The following CCDC14 variants were observed in gnomAD, a reference collection of about 807,000 sequenced individuals.
The protein encoded by CCDC14 is coiled-coil domain-containing protein 14.
Under a neutral mutation model 81.4 loss-of-function variants are expected in CCDC14, and 71 were observed. The observed-to-expected ratio is 0.87, with a 90% CI of 0.72 to 1.06. The LOEUF is 1.06. CCDC14 is among the 50% of genes least tolerant of loss of function. CCDC14 has a pLI of 0.00. For missense variants in CCDC14, 1,046 were observed against 1,047.3 expected (o/e 1.00, Z 0.02); for synonymous variants, 332 against 364.8 (o/e 0.91, Z 1.03).
intron 5 of CCDC14, 32 bp from the exon 6 acceptor site, chr3:123,949,164 T>C (rs2036861157): frequency 1.4e-6 from 2 of 1,382,648 alleles, no homozygotes; most frequent in South Asian, 1.3e-5. Flanking sequence ...GTTCTTGAAA[T>C]ATGATTCTTC....
At chr3:123,961,059 A>G (rs2037655224) in intron 1 of CCDC14, 85 bp downstream of exon 1, 1 of 1,188,454 alleles carries the variant, frequency 8.4e-7, no homozygotes, top group Non-Finnish European at 1.2e-6. Flanking sequence ...TCTTTTTTCG[A>G]GCAGAGTTTT....
chr3:123,943,085 GGTGT>G lies in CCDC14; in HGVS notation c.1343+1760_1343+1763del, dbSNP rs967254722. Among the ~76,000 whole-genome samples the G allele has an allele frequency of 6.6e-4, 100 of 151,172 alleles. 1 individual carries two copies. The highest frequency in any genetic ancestry group is 1.4e-3 in the African/African-American group (58 of 41,212). On this transcript the variant is annotated intron_variant, in intron 9 of 12. Coordinates refer to ENST00000409697, the MANE Select transcript of CCDC14 (RefSeq NM_001366335.1). ...ATACATATTGTATATAAATGTGTGT[GGTGT>G]GTGTGTATGTTTATTACTGCATATA...
chr3:123,929,999 C>T (rs1156381366), intron 12 of CCDC14, among the ~76,000 whole-genome samples: 1 of 152,174 alleles, frequency 6.6e-6, no homozygotes, highest in Non-Finnish European at 1.5e-5. Flanking sequence ...CATTCTATTA[C>T]TTTATTTTGA....
At chr3:123,891,570 A>G in the CCDC14 span, among the ~76,000 whole-genome samples, 1 of 152,232 alleles carries the variant, frequency 6.6e-6, no homozygotes, top group Non-Finnish European at 1.5e-5. Flanking sequence ...AAACATAACA[A>G]GAGTCACATT....
intron 5 of CCDC14, among the ~76,000 whole-genome samples, chr3:123,899,428 C>T (rs1203933618): frequency 6.6e-6 from 1 of 152,206 alleles, no homozygotes; most frequent in African/African-American, 2.4e-5. Flanking sequence ...TTGGACTTCA[C>T]CTGGAATTCA....
At chr3:123,937,757 C>A (rs2036130498) in intron 9 of CCDC14, among the ~76,000 whole-genome samples, 2 of 151,910 alleles carry the variant, frequency 1.3e-5, no homozygotes, top group South Asian at 4.1e-4. Flanking sequence ...CTAAGATTTT[C>A]TCTTACGTTT....
In CCDC14 at chr3:123,913,809, G is replaced by A. The variant is rs942704009; in HGVS notation, c.*970C>T. 33 of 985,284 alleles carry A rather than the reference G, an allele frequency of 3.3e-5. No homozygotes were observed. In the Admixed American group the frequency reaches 2.0e-3, roughly 59 times the overall value. The allele number at this position is 985,284 out of a possible 1,614,324, so 61.0% of individuals were successfully genotyped here. A position where few individuals can be genotyped will look rare whatever the true frequency, so the allele number is the denominator to read the frequency against. On this transcript the variant is annotated 3_prime_UTR_variant, in exon 13 of 13. Coordinates refer to ENST00000409697, the MANE Select transcript of CCDC14 (RefSeq NM_001366335.1). ...CAGGTGACCTGTACAAAGTATTAGT[G>A]ATAACACAACATTCAGCTTCCTAAG...
chr3:123,951,469 A>C (rs1436093595), intron 5 of CCDC14, among the ~76,000 whole-genome samples: 5 of 152,230 alleles, frequency 3.3e-5, no homozygotes, highest in African/African-American at 1.2e-4. Context: ...TTCTTACCAG[A>C]AATACAATTT....
the CCDC14 span, among the ~76,000 whole-genome samples, chr3:123,888,411 C>A: frequency 5.3e-5 from 8 of 152,138 alleles, no homozygotes; most frequent in Non-Finnish European, 1.5e-5. Context: ...TGAGTAGTGT[C>A]AAAAAATATA....
Position 123,914,118 on chromosome 3 carries a change from A to G in CCDC14, c.*661T>C. 1.0e-6 allele frequency: 1 copy of G among 985,794 alleles called. No individual in the cohort carries two copies. Among genetic ancestry groups the G allele is most frequent in the Admixed American group, 6.1e-5 (1 of 16,286 alleles). The allele number at this position is 985,794 out of a possible 1,614,324, so 61.1% of individuals were successfully genotyped here. On this transcript the variant is annotated 3_prime_UTR_variant, in exon 13 of 13. Transcript: ENST00000409697. The stretch of plus-strand genomic sequence containing the variant: ...GCTTATCTGTTAGCACTTCTTTATC[A>G]GTCTGACTATTCTTTAAAGGCCTTA...
intron 10 of CCDC14, among the ~76,000 whole-genome samples, chr3:123,933,232 T>C (rs1419955549): frequency 6.6e-6 from 1 of 152,228 alleles, no homozygotes; most frequent in East Asian, 1.9e-4. Flanking sequence ...GACCATATTA[T>C]GGTAGACCTG....
the CCDC14 span, among the ~76,000 whole-genome samples, chr3:123,887,554 T>A: frequency 1.3e-5 from 2 of 152,054 alleles, no homozygotes; most frequent in East Asian, 3.9e-4. Context: ...GGCTGGGAAG[T>A]CCAAGATCAA....
chr3:123,958,346 T>A (rs376979782), intron 1 of CCDC14: 1 of 152,134 alleles, frequency 6.6e-6, no homozygotes, highest in Non-Finnish European at 1.5e-5. Flanking sequence ...AGATTACATA[T>A]GGTGTTTCTC....
At chr3:123,906,308 C>T (rs961505247) in intron 5 of CCDC14, among the ~76,000 whole-genome samples, 2 of 149,784 alleles carry the variant, frequency 1.3e-5, no homozygotes, top group Non-Finnish European at 3.0e-5. Context: ...CCAGCCTGGG[C>T]GACAGAGCGA....
chr3:123,910,943 C>T (rs1378732678), downstream of CCDC14, among the ~76,000 whole-genome samples: 1 of 152,142 alleles, frequency 6.6e-6, no homozygotes, highest in South Asian at 2.1e-4. Flanking sequence ...GTAGGAAAGA[C>T]AGATACGTAA....
At chr3:123,932,760 G>A (rs796389827) in intron 10 of CCDC14, among the ~76,000 whole-genome samples, 27 of 152,242 alleles carry the variant, frequency 1.8e-4, no homozygotes, top group African/African-American at 6.5e-4. Flanking sequence ...AATTGCAACT[G>A]TATATACCCT....
intron 12 of CCDC14, among the ~76,000 whole-genome samples, chr3:123,921,670 C>T (rs2700389): frequency 0.81 from 123,970 of 152,142 alleles, 51,051 homozygotes; most frequent in African/African-American, 0.93. Flanking sequence ...AGCTTTTGGC[C>T]TCCCTGGGCC....
At chr3:123,950,947 GA>G (rs1045638390) in intron 5 of CCDC14, among the ~76,000 whole-genome samples, 15 of 151,712 alleles carry the variant, frequency 9.9e-5, no homozygotes, top group Admixed American at 2.6e-4. Flanking sequence ...AGTGAAAATA[GA>G]AAAAAAATTT....
the CCDC14 span, among the ~76,000 whole-genome samples, chr3:123,886,742 C>T: frequency 5.9e-5 from 9 of 152,254 alleles, no homozygotes; most frequent in South Asian, 1.7e-3. Context: ...ACAATATGAG[C>T]ACTAGGAGTA....
Sources: allele counts gnomAD v4.1 joint callset (sites outside exome capture counted in the v4.1 genomes callset), GRCh38; gene constraint gnomAD v4.1.1; transcripts MANE v1.5; gene names NCBI Gene and HGNC (gene_info 2026-07-23, HGNC 2026-07-21).